The following CSNK1G3 variants were observed in gnomAD, a reference collection of about 807,000 sequenced individuals.
CSNK1G3 encodes casein kinase I isoform gamma-3.
Under a neutral mutation model 64.3 loss-of-function variants are expected in CSNK1G3, and 23 were observed. The ratio of observed to expected loss-of-function variants is 0.36; its 90% confidence interval spans 0.26 to 0.51. CSNK1G3 has a LOEUF of 0.51. Among genes scored for constraint, CSNK1G3 ranks in the 20% least tolerant of loss-of-function variants. The pLI is 0.96. For missense variants in CSNK1G3, 357 were observed against 510.5 expected (o/e 0.70, Z 2.90); for synonymous variants, 158 against 162.2 (o/e 0.97, Z 0.20).
exon 2 of CSNK1G3, chr5:123,545,559 A>T: frequency 1.2e-6 from 1 of 820,654 alleles, no homozygotes; most frequent in East Asian, 2.7e-5. Flanking sequence ...TGTTAACATT[A>T]CCCATCTGGT....
rs527739157 is a variant in CSNK1G3 at position 123,576,957 on chromosome 5, C to T, written c.673+994C>T. ...TATTCTAATGTCAGCAGAAGCTTTA[C>T]CTTCTCCCCCAGTTATTGACTTATG... On this transcript the variant is annotated intron_variant, in intron 6 of 12. Transcript: ENST00000345990. 1.1e-4 allele frequency among the ~76,000 whole-genome samples: 17 copies of T among 152,144 alleles called. No homozygotes were observed. The South Asian group carries it at 3.3e-3, about 30-fold the overall frequency.
chr5:123,604,000 G>T (rs1403054419), intron 10 of CSNK1G3, among the ~76,000 whole-genome samples: 1 of 152,096 alleles, frequency 6.6e-6, no homozygotes, highest in African/African-American at 2.4e-5. Flanking sequence ...TTGCTGTGTG[G>T]ATAATACATT....
intron 1 of CSNK1G3, among the ~76,000 whole-genome samples, chr5:123,521,551 A>ATC (rs1778110458): frequency 6.6e-6 from 1 of 152,178 alleles, no homozygotes; most frequent in Admixed American, 6.5e-5. Flanking sequence ...CCTACTAATG[A>ATC]AGGTGGTTTT....
At chr5:123,536,424 G>T (rs752960615) in intron 1 of CSNK1G3, among the ~76,000 whole-genome samples, 2 of 97,398 alleles carry the variant, frequency 2.1e-5, no homozygotes, top group Non-Finnish European at 4.1e-5. Context: ...AATATGAAGG[G>T]CTTTTTTTTT....
intron 2 of CSNK1G3, among the ~76,000 whole-genome samples, chr5:123,548,954 T>C (rs985620064): frequency 7.9e-5 from 12 of 152,246 alleles, no homozygotes; most frequent in Non-Finnish European, 2.9e-5. Context: ...ACTCTCATGA[T>C]TGTGTGGCTG....
exon 2 of CSNK1G3, chr5:123,545,762 G>T: frequency 6.2e-7 from 1 of 1,613,702 alleles, no homozygotes; most frequent in East Asian, 2.2e-5. Flanking sequence ...GGTCTTCATC[G>T]TCTGGAGTTT....
chr5:123,584,436 A>G (rs1017477598), intron 6 of CSNK1G3, among the ~76,000 whole-genome samples: 2 of 152,180 alleles, frequency 1.3e-5, no homozygotes, highest in East Asian at 1.9e-4. Flanking sequence ...ATTTTATTCT[A>G]TTAATTTGGC....
chr5:123,583,193 A>T (rs1790643384), intron 6 of CSNK1G3, among the ~76,000 whole-genome samples: 1 of 152,126 alleles, frequency 6.6e-6, no homozygotes, highest in East Asian at 1.9e-4. Flanking sequence ...GCATACTTTT[A>T]CATGTATAGT....
chr5:123,543,779 T>C (rs1220324045), intron 1 of CSNK1G3, among the ~76,000 whole-genome samples: 2 of 152,116 alleles, frequency 1.3e-5, no homozygotes, highest in Non-Finnish European at 2.9e-5. Flanking sequence ...TTTCTACTTG[T>C]TTACAACAGG....
chr5:123,583,912 G>A (rs1490835386), intron 6 of CSNK1G3, among the ~76,000 whole-genome samples: 1 of 151,504 alleles, frequency 6.6e-6, no homozygotes, highest in African/African-American at 2.4e-5. Flanking sequence ...AGCTAGTCTT[G>A]AACTCCTGGT....
intron 10 of CSNK1G3, 85 bp from the exon 12 acceptor site, chr5:123,604,639 C>A: frequency 1.6e-6 from 1 of 617,558 alleles, no homozygotes; most frequent in Non-Finnish European, 2.8e-6. Flanking sequence ...TATGTTTATC[C>A]TTGTATAACC....
intron 1 of CSNK1G3, among the ~76,000 whole-genome samples, chr5:123,540,998 A>G (rs1202105920): frequency 6.6e-6 from 1 of 152,212 alleles, no homozygotes; most frequent in Non-Finnish European, 1.5e-5. Flanking sequence ...TTTAAATTAT[A>G]GCACAGCATA....
At chr5:123,546,077 A>T in intron 2 of CSNK1G3, 1 of 408,498 alleles carries the variant, frequency 2.4e-6, no homozygotes, top group Non-Finnish European at 4.4e-6. Flanking sequence ...TTATGAGAAA[A>T]CAAACAATTA....
intron 4 of CSNK1G3, among the ~76,000 whole-genome samples, chr5:123,567,508 G>A (rs1399261451): frequency 6.6e-6 from 1 of 152,170 alleles, no homozygotes; most frequent in East Asian, 1.9e-4. Flanking sequence ...TTGGGAGCCT[G>A]AGGCAGGAGA....
At chr5:123,518,221 C>T (rs1035013040) in intron 1 of CSNK1G3, among the ~76,000 whole-genome samples, 1 of 152,216 alleles carries the variant, frequency 6.6e-6, no homozygotes, top group Non-Finnish European at 1.5e-5. Context: ...ACTTGAGCCT[C>T]CTATCTCACC....
At chr5:123,565,889 C>T (rs1365314992) in intron 4 of CSNK1G3, among the ~76,000 whole-genome samples, 1 of 152,134 alleles carries the variant, frequency 6.6e-6, no homozygotes, top group Non-Finnish European at 1.5e-5. Context: ...GGATCTGCCC[C>T]ATTGACCCAG....
chr5:123,586,568 C>T (rs529404084), intron 6 of CSNK1G3, among the ~76,000 whole-genome samples: 1 of 151,906 alleles, frequency 6.6e-6, no homozygotes, highest in Non-Finnish European at 1.5e-5. Context: ...ATAAAAAAAC[C>T]TCTCCGTTAT....
intron 1 of CSNK1G3, among the ~76,000 whole-genome samples, chr5:123,543,795 A>G (rs904033934): frequency 6.6e-6 from 1 of 152,184 alleles, no homozygotes; most frequent in East Asian, 1.9e-4. Context: ...ACAGGCAGAG[A>G]TGTTCAGTAT....
intron 6 of CSNK1G3, among the ~76,000 whole-genome samples, chr5:123,579,424 G>T (rs1252949422): frequency 6.6e-6 from 1 of 151,638 alleles, no homozygotes; most frequent in Non-Finnish European, 1.5e-5. Context: ...ATATGATTGG[G>T]TAGCTATACA....
Sources: allele counts gnomAD v4.1 joint callset (sites outside exome capture counted in the v4.1 genomes callset), GRCh38; gene constraint gnomAD v4.1.1; transcripts MANE v1.5; gene names NCBI Gene and HGNC (gene_info 2026-07-23, HGNC 2026-07-21).